NFIB: variants seen among roughly 807,000 people sequenced by gnomAD.
The protein encoded by NFIB is nuclear factor I B.
A neutral mutation model predicts 61.5 loss-of-function variants in NFIB; 11 were observed. The observed-to-expected ratio is 0.18, with a 90% confidence interval of 0.11 to 0.30. The LOEUF (loss-of-function observed/expected upper bound fraction) is 0.30. Among genes scored for constraint, NFIB ranks in the 10% least tolerant of loss-of-function variants. The pLI is 1.00. For synonymous variants in NFIB, 260 were observed against 216.5 expected (o/e 1.20, Z -1.76); for missense variants, 471 against 608.9 (o/e 0.77, Z 2.38).
In NFIB at chr9:14,168,692, C is replaced by T. The variant is rs368711302; in HGVS notation, c.616+11035G>A. Among the ~76,000 whole-genome samples, 4 of 152,228 alleles carry T rather than the reference C, an allele frequency of 2.6e-5. No individual in the cohort carries two copies. In the East Asian group the frequency reaches 5.8e-4, roughly 22 times the overall value. On this transcript the variant is annotated intron_variant, in intron 3 of 10. Transcript: ENST00000380953. ...GGGATTAAGACATGAGGCAAAATAT[C>T]GCTACAGAGATTAGGAAATGATTAA...
chr9:14,488,037 C>T, the NFIB span, among the ~76,000 whole-genome samples: 17 of 152,212 alleles, frequency 1.1e-4, no homozygotes, highest in African/African-American at 4.1e-4. Context: ...AAAGGAGCAG[C>T]AGGTTCAGGA....
At chr9:14,329,112 C>A (rs1441141652) in intron 1 of NFIB, among the ~76,000 whole-genome samples, 1 of 152,138 alleles carries the variant, frequency 6.6e-6, no homozygotes, top group Non-Finnish European at 1.5e-5. Context: ...TTCTGACTTG[C>A]TTTCTATACC....
the NFIB span, among the ~76,000 whole-genome samples, chr9:14,492,134 C>T: frequency 2.6e-5 from 4 of 152,038 alleles, no homozygotes; most frequent in East Asian, 1.9e-4. Context: ...AAGGCCAAGG[C>T]GGGTGGATCA....
chr9:14,504,302 C>A, the NFIB span, among the ~76,000 whole-genome samples: 2 of 152,146 alleles, frequency 1.3e-5, no homozygotes, highest in African/African-American at 4.8e-5. Context: ...CTTGCTTTGG[C>A]TATGCTGGCT....
chr9:14,445,832 A>G, the NFIB span, among the ~76,000 whole-genome samples: 1 of 152,150 alleles, frequency 6.6e-6, no homozygotes, highest in Admixed American at 6.6e-5. Flanking sequence ...CATATTTGTC[A>G]CTTTTCATTC....
At chr9:14,496,615 C>T in the NFIB span, among the ~76,000 whole-genome samples, 1 of 152,184 alleles carries the variant, frequency 6.6e-6, no homozygotes, top group East Asian at 1.9e-4. Context: ...GAACCCTTGG[C>T]ACCTTGCATT....
chr9:14,105,637 A>T (rs2118907866), intron 10 of NFIB, among the ~76,000 whole-genome samples: 1 of 152,306 alleles, frequency 6.6e-6, no homozygotes. Context: ...CAATTAAATC[A>T]TTAAAATAGA....
chr9:14,438,752 G>A, the NFIB span, among the ~76,000 whole-genome samples: 149 of 152,216 alleles, frequency 9.8e-4, no homozygotes, highest in African/African-American at 3.5e-3. Context: ...AACCTCGTGA[G>A]CGGGGGCTGA....
At chr9:14,401,690 A>T (rs543461865), upstream of NFIB, among the ~76,000 whole-genome samples, 53 of 152,216 alleles carry the variant, frequency 3.5e-4, no homozygotes, top group African/African-American at 1.3e-3. Context: ...AATTGGAAAT[A>T]AGCAGTGATG....
intron 2 of NFIB, among the ~76,000 whole-genome samples, chr9:14,215,689 G>A (rs2050783625): frequency 6.6e-6 from 1 of 152,192 alleles, no homozygotes; most frequent in Admixed American, 6.5e-5. Flanking sequence ...TCTGGATAAT[G>A]TACTGAAAAC....
intron 2 of NFIB, among the ~76,000 whole-genome samples, chr9:14,193,965 T>C (rs549221421): frequency 8.5e-5 from 13 of 152,170 alleles, no homozygotes; most frequent in Admixed American, 8.5e-4. Flanking sequence ...TCAATCATTT[T>C]GAACCCCCAC....
intron 2 of NFIB, among the ~76,000 whole-genome samples, chr9:14,253,430 G>C (rs1057373576): frequency 6.6e-6 from 1 of 152,166 alleles, no homozygotes; most frequent in Non-Finnish European, 1.5e-5. Context: ...GAATAGCCTG[G>C]AAGTGTGTGG....
intron 3 of NFIB, among the ~76,000 whole-genome samples, chr9:14,168,316 G>A (rs772852139): frequency 3.9e-5 from 6 of 152,184 alleles, no homozygotes; most frequent in Admixed American, 3.3e-4. Flanking sequence ...AAGGGGCTCA[G>A]AATTCATTAA....
Position 14,151,492 on chromosome 9 carries a change from A to T in NFIB, c.686-1227T>A, listed in dbSNP as rs190988356. On this transcript the variant is annotated intron_variant, in intron 4 of 10. Coordinates refer to ENST00000380953, the MANE Select transcript of NFIB (RefSeq NM_001190737.2). ...AAACATTCATGCGAAACACATAAATACCAAAATAGATGAAAATGAAACTGT... is the reference window on the plus strand; with the variant it reads ...AAACATTCATGCGAAACACATAAATTCCAAAATAGATGAAAATGAAACTGT... 1.7e-3 allele frequency among the ~76,000 whole-genome samples: 262 copies of T among 152,170 alleles called. 2 individuals are homozygous for T. The highest frequency in any genetic ancestry group is 3.4e-3 in the Middle Eastern group (1 of 294).
chr9:14,273,300 C>G (rs938709238), intron 2 of NFIB, among the ~76,000 whole-genome samples: 5 of 152,136 alleles, frequency 3.3e-5, no homozygotes, highest in African/African-American at 1.2e-4. Context: ...GCCTTGTATC[C>G]TTTAAGGTAA....
At chr9:14,155,354 A>G (rs956889719) in intron 4 of NFIB, among the ~76,000 whole-genome samples, 3 of 152,138 alleles carry the variant, frequency 2.0e-5, no homozygotes, top group Non-Finnish European at 4.4e-5. Flanking sequence ...TCTATATCCA[A>G]CTACAATCTG....
chr9:14,428,221 C>T, the NFIB span, among the ~76,000 whole-genome samples: 39 of 152,174 alleles, frequency 2.6e-4, no homozygotes, highest in African/African-American at 9.2e-4. Flanking sequence ...GCTGGGATTA[C>T]AGGTATGAGC....
At chr9:14,255,869 G>C (rs1394104355) in intron 2 of NFIB, among the ~76,000 whole-genome samples, 1 of 152,140 alleles carries the variant, frequency 6.6e-6, no homozygotes, top group African/African-American at 2.4e-5. Flanking sequence ...ACTCTGTCCT[G>C]CTCCAGAATC....
the NFIB span, among the ~76,000 whole-genome samples, chr9:14,515,159 G>A: frequency 6.6e-6 from 1 of 152,140 alleles, no homozygotes; most frequent in South Asian, 2.1e-4. Context: ...CAGAAGGATA[G>A]AACTGGACAG....
Sources: gnomAD v4.1 joint callset for allele counts (sites outside exome capture counted in the v4.1 genomes callset) on GRCh38, gnomAD v4.1.1 for gene constraint, MANE v1.5 for transcripts, NCBI Gene and HGNC (gene_info 2026-07-23, HGNC 2026-07-21) for gene names.